Variants in UGGT1 observed in about 807,000 individuals in gnomAD.
UGGT1 encodes the protein UDP-glucose glycoprotein glucosyltransferase 1.
UGGT1 carries 107 observed loss-of-function variants against 203.9 expected under a neutral mutation model. That is an observed-to-expected ratio of 0.52 (90% CI 0.45 to 0.62). The LOEUF is 0.62. Among genes scored for constraint, UGGT1 ranks in the 20% least tolerant of loss-of-function variants. UGGT1 has a pLI of 0.00. For missense variants in UGGT1, 1,673 were observed against 1,867.2 expected, an observed-to-expected ratio of 0.90 and a Z score of 1.92; for synonymous variants, 628 against 653.5, an observed-to-expected ratio of 0.96 and a Z score of 0.59.
chr2:128,158,022 G>A lies in UGGT1; in HGVS notation c.2355+676G>A, dbSNP rs969459280. On this transcript the variant is annotated intron_variant, in intron 22 of 40. Coordinates refer to ENST00000259253, the MANE Select transcript of UGGT1 (RefSeq NM_020120.4). ...TTTACTGAAATAAAGAAATATCCAG[G>A]TGGTTTCAGTTTTACTCATATGCCG... Among the ~76,000 whole-genome samples, 5 of 152,156 alleles carry A rather than the reference G, an allele frequency of 3.3e-5. 1 individual carries two copies. The highest frequency in any genetic ancestry group is 2.6e-4 in the Admixed American group (4 of 15,276).
At chr2:128,128,987 C>CT in intron 12 of UGGT1, 42 bp from the exon 13 acceptor site, 2 of 1,475,552 alleles carry the variant, frequency 1.4e-6, no homozygotes, top group South Asian at 1.4e-5. Context: ...TTTTTAAAAG[C>CT]TTTTTTTCCT....
At chr2:128,136,006 A>G (rs943749904) in intron 15 of UGGT1, among the ~76,000 whole-genome samples, 2 of 152,228 alleles carry the variant, frequency 1.3e-5, no homozygotes, top group African/African-American at 2.4e-5. Context: ...GGGTCGTGGT[A>G]CACAGTTGGC....
chr2:128,188,965 C>T (rs1692130575), intron 40 of UGGT1, among the ~76,000 whole-genome samples: 1 of 152,134 alleles, frequency 6.6e-6, no homozygotes, highest in Non-Finnish European at 1.5e-5. Flanking sequence ...TGAGGATTTC[C>T]ATAGATAAAT....
chr2:128,101,845 G>A (rs1250621308), intron 2 of UGGT1, among the ~76,000 whole-genome samples: 2 of 152,082 alleles, frequency 1.3e-5, no homozygotes, highest in African/African-American at 2.4e-5. Context: ...CTGATCTCCC[G>A]CAATAGCTTT....
intron 6 of UGGT1, among the ~76,000 whole-genome samples, chr2:128,114,779 T>G (rs544219311): frequency 6.6e-6 from 1 of 152,322 alleles, no homozygotes; most frequent in Admixed American, 6.5e-5. Flanking sequence ...ACCTTGGAAT[T>G]CCATTCCCAC....
rs764305068 is a variant in UGGT1, at chr2:128,116,322, G to T, written c.851G>T (p.Gly284Val). 6 of 1,611,420 alleles carry T rather than the reference G, an allele frequency of 3.7e-6. No individual in the cohort carries two copies. In the South Asian group the frequency reaches 6.6e-5, roughly 18 times the overall value. ...AATGATCCTATTGATGAGGTTCAGG[G>T]GTTCCTCTTTGGAAAATTAAGGTAT... ...GENDPIDEVQ[G>V]FLFGKLRDLH... is the part of the protein sequence containing the mutation. The change falls in exon 8 of 41, where the codon GGG becomes GTG. Residue 284 changes from glycine to valine, a missense_variant. This residue lies in a region of UGGT1 where 1,073 missense variants were observed against 1,078.7 expected (regional missense o/e 0.99). Transcript: ENST00000259253.
chr2:128,171,525 C>T (rs188584196), intron 28 of UGGT1: 145 of 459,680 alleles, frequency 3.2e-4, no homozygotes, highest in Non-Finnish European at 4.8e-4. Flanking sequence ...TTCTTTTTTT[C>T]GAGATGGAGT....
At chr2:128,180,867 G>T in intron 35 of UGGT1, 23 bp from the exon 36 acceptor site, 1 of 1,598,744 alleles carries the variant, frequency 6.3e-7, no homozygotes. Context: ...ATGATTATTT[G>T]TTGTTCCCAT....
rs544609510 is a variant in UGGT1, at chr2:128,135,083, A to T, written c.1583+122A>T. 6.3e-6 allele frequency: 5 copies of T among 796,800 alleles called. No homozygotes were observed. The East Asian group carries it at 1.3e-4, about 21-fold the overall frequency. 49.4% of individuals were successfully genotyped at this position (796,800 alleles called of 1,614,324 possible). A position where few individuals can be genotyped will look rare whatever the true frequency, so the allele number is the denominator to read the frequency against. On this transcript the variant is annotated intron_variant, in intron 15 of 40. Transcript: ENST00000259253. ...TTAATAGTGCACATCACTAATGGCA[A>T]TTTTATCTTCTGGTCAGTATGAAGC... is the stretch of plus-strand genomic sequence containing the variant.
chr2:128,091,892 G>A (rs1686882959), intron 1 of UGGT1, among the ~76,000 whole-genome samples: 1 of 152,192 alleles, frequency 6.6e-6, no homozygotes, highest in East Asian at 1.9e-4. Flanking sequence ...TGGATGATAT[G>A]GTTTCACTTT....
In UGGT1 at chr2:128,116,280, C is replaced by T; in HGVS notation, c.809C>T (p.Thr270Ile). ...DTQVKGTEVN[T>I]TVIGENDPID... ...TCTTTCATAGGAACTGAGGTAAACA[C>T]CACAGTGATTGGTGAAAATGATCCT... Residue 270 changes from threonine (T) to isoleucine (I), a missense_variant, in exon 8 of 41, where the codon ACC (threonine) becomes ATC (isoleucine). Thr to Ile is a moderately conservative substitution (Grantham distance 89). Around this residue, in one of 4 missense-constraint regions of UGGT1, gnomAD observed 1,073 missense variants for 1,078.7 expected, o/e 0.99. Coordinates refer to ENST00000259253, the MANE Select transcript of UGGT1 (RefSeq NM_020120.4). 1 of 1,608,660 alleles carries T rather than the reference C, an allele frequency of 6.2e-7. No homozygotes were observed. Among genetic ancestry groups the T allele is most frequent in the Non-Finnish European group, 8.5e-7 (1 of 1,175,312 alleles).
At chr2:128,173,639 T>G in intron 29 of UGGT1, 142 bp from the exon 30 acceptor site, 2 of 1,018,908 alleles carry the variant, frequency 2.0e-6, no homozygotes, top group African/African-American at 1.6e-5. Flanking sequence ...TCATTATACT[T>G]TTGTCTTTTC....
chr2:128,183,560 C>A, intron 37 of UGGT1, 115 bp from the exon 38 acceptor site: 1 of 710,092 alleles, frequency 1.4e-6, no homozygotes, highest in Middle Eastern at 3.5e-4. Context: ...CTGTAGCATA[C>A]CTTTTCAAAG....
chr2:128,096,025 G>A (rs915455383), intron 1 of UGGT1, among the ~76,000 whole-genome samples: 3 of 152,152 alleles, frequency 2.0e-5, no homozygotes, highest in African/African-American at 2.4e-5. Flanking sequence ...GGGGAGGTCC[G>A]ATTAGGGTTC....
At chr2:128,116,564 T>C (rs1212462943) in intron 8 of UGGT1, among the ~76,000 whole-genome samples, 4 of 152,142 alleles carry the variant, frequency 2.6e-5, no homozygotes, top group Non-Finnish European at 4.4e-5. Flanking sequence ...TCTCGCTGTG[T>C]CGCCCAGGTT....
intron 28 of UGGT1, among the ~76,000 whole-genome samples, chr2:128,171,727 C>T (rs1437424520): frequency 2.0e-5 from 3 of 152,098 alleles, no homozygotes; most frequent in Non-Finnish European, 4.4e-5. Context: ...AGCCTGGTCT[C>T]GAACTCCTGA....
chr2:128,120,209 T>A, intron 8 of UGGT1, 147 bp from the exon 9 acceptor site: 1 of 638,580 alleles, frequency 1.6e-6, no homozygotes, highest in Non-Finnish European at 2.7e-6. Context: ...TAAAGAGGAA[T>A]AATTATACTT....
rs1041230954 is a variant in UGGT1 at position 128,143,179 on chromosome 2, T to G, written c.1805T>G (p.Val602Gly). Reference sequence around the variant, plus strand: ...GAGAAGAAATATCCGTATGTAGAAGTGAATAGCATTTTGGGGATTGATTCT... The same window carrying G: ...GAGAAGAAATATCCGTATGTAGAAGGGAATAGCATTTTGGGGATTGATTCT... ...VLEKKYPYVE[V>G]NSILGIDSAY... The change falls in exon 17 of 41, where the codon GTG (valine) becomes GGG (glycine). Residue 602 changes from valine to glycine, a missense_variant. Physicochemically the swap from Val to Gly is moderately radical, Grantham distance 109 (BLOSUM62 -3). Transcript: ENST00000259253. 3.1e-6 allele frequency: 5 copies of G among 1,613,546 alleles called. No homozygotes were observed. The highest frequency in any genetic ancestry group is 4.2e-6 in the Non-Finnish European group (5 of 1,179,856).
chr2:128,129,238 T>C, intron 13 of UGGT1, 59 bp downstream of exon 13: 2 of 1,533,878 alleles, frequency 1.3e-6, no homozygotes, highest in South Asian at 2.5e-5. Flanking sequence ...TTTTATGGTT[T>C]CTGATTTGTC....
Sources: gnomAD v4.1 joint callset for allele counts (sites outside exome capture counted in the v4.1 genomes callset) on GRCh38, gnomAD v4.1.1 for gene constraint, gnomAD v4.1.1 regional missense constraint, MANE v1.5 for transcripts, NCBI Gene and HGNC (gene_info 2026-07-23, HGNC 2026-07-21) for gene names.